Variants in TGFB3 observed in about 807,000 individuals in gnomAD.
TGFB3 encodes transforming growth factor beta 3.
In TGFB3, 5 loss-of-function variants were observed where a neutral mutation model predicts 40.1. The ratio of observed to expected loss-of-function variants is 0.12; its 90% CI spans 0.07 to 0.26. The LOEUF is 0.26. Ranked by LOEUF, TGFB3 falls within the 10% of genes least tolerant of loss-of-function variation. The pLI, the probability that TGFB3 is intolerant of heterozygous loss-of-function variation, is 1.00. For synonymous variants in TGFB3, 184 were observed against 205.6 expected (o/e 0.89, Z 0.90); for missense variants, 373 against 530.1 (o/e 0.70, Z 2.91).
Position 75,980,745 on chromosome 14 carries a change from T to C in TGFB3, c.149A>G (p.Lys50Arg). 1 of 1,614,200 alleles carries C rather than the reference T, an allele frequency of 6.2e-7. No homozygotes were observed. The highest frequency in any genetic ancestry group is 8.5e-7 in the Non-Finnish European group (1 of 1,180,036). ...CTCAGGGGGGCTGGTGAGCCTGAGC[T>C]TGCTCAAGATCTGTCCCCTAATGGC... Reference protein sequence around the residue: ...VEAIRGQILSKLRLTSPPEPT... With the variant: ...VEAIRGQILSRLRLTSPPEPT... Residue 50 changes from lysine (K) to arginine (R), a missense_variant, in exon 1 of 7, where the codon AAG becomes AGG. By Grantham distance (26) the Lys-to-Arg change is conservative. Transcript: ENST00000238682. This position sits in a 1 kb window ranked among gnomAD's most constrained non-coding sequence, Gnocchi z 4.3.
Position 75,981,571 on chromosome 14 carries a change from G to A in TGFB3, c.-678C>T, listed in dbSNP as rs1276394182. 1.9e-5 allele frequency: 3 copies of A among 156,248 alleles called. No individual in the cohort carries two copies. Among genetic ancestry groups the A allele is most frequent in the Non-Finnish European group, 4.3e-5 (3 of 70,466 alleles). 9.7% of individuals were successfully genotyped at this position (156,248 alleles called of 1,614,324 possible). Reference sequence around the variant, plus strand: ...TTTCTCTTTTGTTTACACTTCCTCGGGGGCTTTCTAAATGACTTTGTTCAC... The same window carrying A: ...TTTCTCTTTTGTTTACACTTCCTCGAGGGCTTTCTAAATGACTTTGTTCAC... On this transcript the variant is annotated 5_prime_UTR_variant, in exon 1 of 7. Coordinates refer to ENST00000238682, the MANE Select transcript of TGFB3 (RefSeq NM_003239.5). This position sits in a 1 kb window ranked among gnomAD's most constrained non-coding sequence, Gnocchi z 4.7.
intron 4 of TGFB3, among the ~76,000 whole-genome samples, chr14:75,963,849 A>G (rs1348920438): frequency 6.6e-6 from 1 of 151,846 alleles, no homozygotes. Flanking sequence ...TACCTAACAC[A>G]TATCTCCGGG....
intron 4 of TGFB3, among the ~76,000 whole-genome samples, 157 bp downstream of exon 4, chr14:75,965,431 G>A (rs906922887): frequency 2.0e-5 from 3 of 152,166 alleles, no homozygotes; most frequent in Non-Finnish European, 4.4e-5. Context: ...CATTGCTTTT[G>A]GGGCAAAGCA....
intron 1 of TGFB3, among the ~76,000 whole-genome samples, chr14:75,976,270 C>T (rs994252264): frequency 6.6e-6 from 1 of 152,134 alleles, no homozygotes; most frequent in African/African-American, 2.4e-5. Context: ...GATTCCTGGA[C>T]CCATTCCCCA....
rs893375581 is a variant in TGFB3 at position 75,959,283 on chromosome 14, C to A, written c.1143G>T (p.Gln381His). The A allele has an allele frequency of 9.3e-6, 15 of 1,614,176 alleles. No individual in the cohort carries two copies. Among genetic ancestry groups the A allele is most frequent in the African/African-American group, 2.7e-5 (2 of 75,034 alleles). ...ACAGGATGGTCAGGGGCTCCAGGTC[C>A]TGGGGCACGCAGCAAGGCGAGGCAG... ...EASASPCCVP[Q>H]DLEPLTILYY... The change falls in exon 7 of 7, where the codon CAG becomes CAT. Residue 381 changes from glutamine to histidine, a missense_variant. Coordinates refer to ENST00000238682, the MANE Select transcript of TGFB3 (RefSeq NM_003239.5).
Position 75,979,270 on chromosome 14 carries a change from G to C in TGFB3, c.352+1272C>G, listed in dbSNP as rs541578129. The stretch of plus-strand genomic sequence containing the variant: ...TCCAGCCAGAGCTGGTCCACCCATC[G>C]GTACCCACTCCTGTTCCTTCTCTCC... On this transcript the variant is annotated intron_variant, in intron 1 of 6. Coordinates refer to ENST00000238682, the MANE Select transcript of TGFB3 (RefSeq NM_003239.5). The surrounding 1 kb of genome is among the most constrained non-coding windows in gnomAD (Gnocchi z 4.8). Among the ~76,000 whole-genome samples, 1 of 152,080 alleles carries C rather than the reference G, an allele frequency of 6.6e-6. No homozygotes were observed. The highest frequency in any genetic ancestry group is 1.5e-5 in the Non-Finnish European group (1 of 68,004).
At chr14:75,974,503 C>A (rs1041832703) in intron 1 of TGFB3, among the ~76,000 whole-genome samples, 1 of 152,028 alleles carries the variant, frequency 6.6e-6, no homozygotes, top group Non-Finnish European at 1.5e-5. Flanking sequence ...AGTTAGCTGA[C>A]ACAAGCAACT....
rs1464403654 is a variant in TGFB3, at chr14:75,980,963, G to A, written c.-70C>T. ...AGGAAGAGACCCCAGCAGACGTGCA[G>A]AAGGAGGGAGGAAAACCAGGCGGCC... On this transcript the variant is annotated 5_prime_UTR_variant, in exon 1 of 7. Transcript: ENST00000238682. The surrounding 1 kb of genome is among the most constrained non-coding windows in gnomAD (Gnocchi z 4.3). 3 of 1,459,196 alleles carry A rather than the reference G, an allele frequency of 2.1e-6. No individual in the cohort carries two copies. The highest frequency in any genetic ancestry group is 1.4e-5 in the African/African-American group (1 of 71,828). The allele number at this position is 1,459,196 out of a possible 1,614,324, so 90.4% of individuals were successfully genotyped here.
rs2035424862 is a variant in TGFB3, at chr14:75,981,037, C to T, written c.-144G>A. 1.3e-6 allele frequency: 1 copy of T among 746,154 alleles called. No individual in the cohort carries two copies. The allele number at this position is 746,154 out of a possible 1,614,324, so 46.2% of individuals were successfully genotyped here. On this transcript the variant is annotated 5_prime_UTR_variant, in exon 1 of 7. In the 5' UTR this introduces an upstream ATG that the reference lacks. Coordinates refer to ENST00000238682, the MANE Select transcript of TGFB3 (RefSeq NM_003239.5). The surrounding 1 kb of genome is among the most constrained non-coding windows in gnomAD (Gnocchi z 4.7). ...CTTGGCAAGAAGGTGCATGAACTCA[C>T]TGCACTGCGAGAGCTTCAGGACTTC... is the stretch of plus-strand genomic sequence containing the variant.
rs931794939 is a variant in TGFB3, at chr14:75,979,882, T to G, written c.352+660A>C. 1.3e-5 allele frequency among the ~76,000 whole-genome samples: 2 copies of G among 152,148 alleles called. No homozygotes were observed. Among genetic ancestry groups the G allele is most frequent in the Non-Finnish European group, 2.9e-5 (2 of 68,034 alleles). On this transcript the variant is annotated intron_variant, in intron 1 of 6. Coordinates refer to ENST00000238682, the MANE Select transcript of TGFB3 (RefSeq NM_003239.5). This position sits in a 1 kb window ranked among gnomAD's most constrained non-coding sequence, Gnocchi z 4.8. ...TACTGCACAAGACTGCATGTCACCC[T>G]AAAGTACACGGCCCTGGGAACATTC...
chr14:75,959,206 T>C lies in TGFB3; in HGVS notation c.1220A>G (p.Lys407Arg). The change falls in exon 7 of 7, where the codon AAG becomes AGG. Residue 407 changes from lysine (K) to arginine (R), a missense_variant. By Grantham distance (26) the Lys-to-Arg change is conservative. Transcript: ENST00000238682. ...KVEQLSNMVVKSCKCS is the reference protein window; with the variant it reads ...KVEQLSNMVVRSCKCS Reference sequence around the variant, plus strand: ...GGGGTCTCAGCTACATTTACAAGACTTCACCACCATGTTGGAGAGCTGCTC... The same window carrying C: ...GGGGTCTCAGCTACATTTACAAGACCTCACCACCATGTTGGAGAGCTGCTC... 6.2e-7 allele frequency: 1 copy of C among 1,614,116 alleles called. No individual in the cohort carries two copies. Among genetic ancestry groups the C allele is most frequent in the Non-Finnish European group, 8.5e-7 (1 of 1,180,020 alleles).
chr14:75,964,920 C>T (rs908802619), intron 4 of TGFB3, among the ~76,000 whole-genome samples: 10 of 152,170 alleles, frequency 6.6e-5, no homozygotes, highest in African/African-American at 2.4e-4. Flanking sequence ...TCAGGCGTTC[C>T]GCAGTTACCC....
At chr14:75,965,884 A>G (rs928574833) in intron 3 of TGFB3, 189 bp from the exon 4 acceptor site, 2 of 620,704 alleles carry the variant, frequency 3.2e-6, no homozygotes, top group Non-Finnish European at 5.8e-6. Context: ...GCACGTTGCC[A>G]CATTCCAGGT....
At position 75,971,023 on chromosome 14, in the gene TGFB3, C is replaced by T; in HGVS notation, c.646+103G>A. 6.4e-7 allele frequency: 1 copy of T among 1,552,246 alleles called. No individual in the cohort carries two copies. Among genetic ancestry groups the T allele is most frequent in the Non-Finnish European group, 8.8e-7 (1 of 1,136,528 alleles). On this transcript the variant is annotated intron_variant, in intron 3 of 6. Coordinates refer to ENST00000238682, the MANE Select transcript of TGFB3 (RefSeq NM_003239.5). This position sits in a 1 kb window ranked among gnomAD's most constrained non-coding sequence, Gnocchi z 4.5. ...TCAGTGGCAAAGCTAGGGTTTGAAC[C>T]CAGATCTCTGACTCCCTTAATTCTG...
Position 75,963,525 on chromosome 14 carries a change from A to G in TGFB3, c.755-38T>C, listed in dbSNP as rs3917200. 143,556 of 1,613,214 alleles carry G rather than the reference A, an allele frequency of 0.089. 8,619 individuals are homozygous for G. Among genetic ancestry groups the G allele is most frequent in the African/African-American group, 0.3 (22,635 of 74,930 alleles). On this transcript the variant is annotated intron_variant, in intron 4 of 6. Transcript: ENST00000238682. ...AGGAAAGTGACAATCTCCTGTCTGAAGAGAGCAGAGCCCTTGGAGGCTGCC... is the reference window on the plus strand; with the variant it reads ...AGGAAAGTGACAATCTCCTGTCTGAGGAGAGCAGAGCCCTTGGAGGCTGCC...
In TGFB3 at chr14:75,981,331, A is replaced by C. The variant is rs564085933; in HGVS notation, c.-438T>G. The C allele has an allele frequency of 7.9e-5, 16 of 203,194 alleles. No individual in the cohort carries two copies. The highest frequency in any genetic ancestry group is 3.5e-4 in the South Asian group (4 of 11,468). The allele number at this position is 203,194 out of a possible 1,614,324, so 12.6% of individuals were successfully genotyped here. A position where few individuals can be genotyped will look rare whatever the true frequency, so the allele number is the denominator to read the frequency against. On this transcript the variant is annotated 5_prime_UTR_variant, in exon 1 of 7. Coordinates refer to ENST00000238682, the MANE Select transcript of TGFB3 (RefSeq NM_003239.5). The surrounding 1 kb of genome is among the most constrained non-coding windows in gnomAD (Gnocchi z 4.7). ...GGAGAAAGTGGGTATTTTAAAGAAG[A>C]AGCAGAAGGACCATGGCTGGGTCCC... is the stretch of plus-strand genomic sequence containing the variant.
Position 75,980,220 on chromosome 14 carries a change from G to A in TGFB3, c.352+322C>T, listed in dbSNP as rs2035407686. 6.6e-6 allele frequency among the ~76,000 whole-genome samples: 1 copy of A among 152,224 alleles called. No homozygotes were observed. The highest frequency in any genetic ancestry group is 1.5e-5 in the Non-Finnish European group (1 of 68,038). On this transcript the variant is annotated intron_variant, in intron 1 of 6. Coordinates refer to ENST00000238682, the MANE Select transcript of TGFB3 (RefSeq NM_003239.5). The surrounding 1 kb of genome is among the most constrained non-coding windows in gnomAD (Gnocchi z 4.3). ...CTTACAGTTACTGATACGATCGCAT[G>A]TGCAAGAATACATATGTTTCCCTGG...
chr14:75,974,901 G>A (rs1166827952), intron 1 of TGFB3, among the ~76,000 whole-genome samples: 1 of 152,044 alleles, frequency 6.6e-6, no homozygotes, highest in Non-Finnish European at 1.5e-5. Flanking sequence ...GACCAGCCTG[G>A]CCAACATGGT....
At chr14:75,963,600 G>A (rs1305124418) in intron 4 of TGFB3, 113 bp from the exon 5 acceptor site, 8 of 1,318,476 alleles carry the variant, frequency 6.1e-6, no homozygotes, top group Middle Eastern at 2.4e-4. Flanking sequence ...TGCAGTCTGC[G>A]AGGGAGGTGT....
Sources: gnomAD v4.1 joint callset for allele counts (sites outside exome capture counted in the v4.1 genomes callset) on GRCh38, gnomAD v4.1.1 for gene constraint, Gnocchi (gnomAD v3.1) non-coding constraint, MANE v1.5 for transcripts, NCBI Gene and HGNC (gene_info 2026-07-23, HGNC 2026-07-21) for gene names.